Variants in RAD51B observed in about 807,000 individuals in gnomAD.
The protein encoded by RAD51B is DNA repair protein RAD51 homolog 2.
A neutral mutation model predicts 42.2 loss-of-function variants in RAD51B; 38 were observed. The observed-to-expected ratio is 0.90, with a 90% CI of 0.70 to 1.18. The LOEUF (loss-of-function observed/expected upper bound fraction) is 1.18, where lower values mean the gene tolerates loss of function less well. Among genes scored for constraint, RAD51B ranks in the 50% most tolerant of loss-of-function variants. The pLI is 0.00. For missense variants in RAD51B, 373 were observed against 400.7 expected (o/e 0.93, Z 0.59); for synonymous variants, 154 against 145.2 (o/e 1.06, Z -0.43).
At chr14:67,952,602 G>GA (rs201785676) in intron 7 of RAD51B, among the ~76,000 whole-genome samples, 35 of 142,604 alleles carry the variant, frequency 2.5e-4, no homozygotes, top group Admixed American at 3.5e-4. Flanking sequence ...TTTCTTCAAG[G>GA]AAAAAAAAAA....
At chr14:68,007,692 T>C (rs927382452) in intron 7 of RAD51B, among the ~76,000 whole-genome samples, 1 of 152,084 alleles carries the variant, frequency 6.6e-6, no homozygotes, top group Non-Finnish European at 1.5e-5. Context: ...CTTTGCCTCT[T>C]GTTTAATTGG....
intron 9 of RAD51B, among the ~76,000 whole-genome samples, chr14:68,434,954 A>G (rs750143156): frequency 4.6e-5 from 7 of 152,168 alleles, no homozygotes; most frequent in Non-Finnish European, 1.0e-4. Context: ...TACCTTGGCT[A>G]TTGTAAATAA....
intron 8 of RAD51B, among the ~76,000 whole-genome samples, chr14:68,380,947 A>T (rs2083466458): frequency 6.6e-6 from 1 of 152,260 alleles, no homozygotes; most frequent in Non-Finnish European, 1.5e-5. Flanking sequence ...ATCAATCAGT[A>T]GGGTGAGCAC....
At chr14:67,951,877 T>C (rs759620277) in intron 7 of RAD51B, among the ~76,000 whole-genome samples, 4 of 152,182 alleles carry the variant, frequency 2.6e-5, no homozygotes, top group Non-Finnish European at 5.9e-5. Flanking sequence ...AATCATTTTC[T>C]AGCATATGGA....
chr14:67,898,099 G>A (rs896691739), intron 7 of RAD51B, among the ~76,000 whole-genome samples: 7 of 152,128 alleles, frequency 4.6e-5, no homozygotes, highest in Non-Finnish European at 2.9e-5. Context: ...TTAAAATCAG[G>A]ATCTCAAGTA....
chr14:67,891,422 A>G (rs763772491), intron 7 of RAD51B, among the ~76,000 whole-genome samples: 2 of 152,152 alleles, frequency 1.3e-5, no homozygotes, highest in African/African-American at 4.8e-5. Context: ...TTTTTGGAAT[A>G]TTAGTGATTA....
chr14:68,142,017 C>T (rs1007945586), intron 7 of RAD51B, among the ~76,000 whole-genome samples: 45 of 152,218 alleles, frequency 3.0e-4, no homozygotes, highest in Admixed American at 2.7e-3. Context: ...CAGAAGCATC[C>T]TTTAATTTCC....
chr14:68,091,791 G>T (rs1289327738), intron 7 of RAD51B, among the ~76,000 whole-genome samples: 2 of 152,114 alleles, frequency 1.3e-5, no homozygotes, highest in Non-Finnish European at 2.9e-5. Flanking sequence ...TGTCCTGAAT[G>T]GTATTGCCTA....
At chr14:67,850,522 C>T (rs146064362) in intron 4 of RAD51B, among the ~76,000 whole-genome samples, 114 of 152,138 alleles carry the variant, frequency 7.5e-4, no homozygotes, top group Non-Finnish European at 1.2e-3. Flanking sequence ...ATGATGCTTA[C>T]GGGTGAGAGT....
At chr14:68,037,790 T>G (rs899009850) in intron 7 of RAD51B, among the ~76,000 whole-genome samples, 3 of 152,244 alleles carry the variant, frequency 2.0e-5, no homozygotes, top group African/African-American at 7.2e-5. Flanking sequence ...ACTTGACAGT[T>G]GTAAATTTTT....
intron 7 of RAD51B, among the ~76,000 whole-genome samples, chr14:68,161,565 G>A (rs963353389): frequency 2.2e-4 from 34 of 152,306 alleles, no homozygotes; most frequent in African/African-American, 7.7e-4. Flanking sequence ...TTCCTCTAAA[G>A]GAAGAGACGA....
At chr14:68,095,546 T>C (rs1191150161) in intron 7 of RAD51B, among the ~76,000 whole-genome samples, 1 of 152,222 alleles carries the variant, frequency 6.6e-6, no homozygotes, top group African/African-American at 2.4e-5. Context: ...TTTTTGTTTT[T>C]ATTTTTCTGA....
chr14:68,608,929 C>T (rs1484397708), intron 10 of RAD51B, among the ~76,000 whole-genome samples: 1 of 152,158 alleles, frequency 6.6e-6, no homozygotes, highest in African/African-American at 2.4e-5. Flanking sequence ...TCCTCCGGGG[C>T]CCCCACTTCT....
chr14:68,421,305 C>T (rs60443209), intron 9 of RAD51B, among the ~76,000 whole-genome samples: 2,326 of 152,086 alleles, frequency 0.015, 57 homozygotes, highest in African/African-American at 0.053. Flanking sequence ...GGGAGTATCC[C>T]TGCTGTGAGA....
At chr14:68,142,727 T>C (rs1483896909) in intron 7 of RAD51B, among the ~76,000 whole-genome samples, 1 of 152,154 alleles carries the variant, frequency 6.6e-6, no homozygotes, top group East Asian at 1.9e-4. Flanking sequence ...TGAAGATGGT[T>C]TTTAATGCCA....
At chr14:68,067,563 A>C (rs1264069558) in intron 7 of RAD51B, among the ~76,000 whole-genome samples, 1 of 152,104 alleles carries the variant, frequency 6.6e-6, no homozygotes, top group African/African-American at 2.4e-5. Context: ...ATACTAGAGA[A>C]TTTTGAAGTC....
At chr14:68,662,081 C>A (rs1164607901) in intron 11 of RAD51B, among the ~76,000 whole-genome samples, 2 of 152,208 alleles carry the variant, frequency 1.3e-5, no homozygotes, top group African/African-American at 4.8e-5. Flanking sequence ...CCTTTAAAAG[C>A]AGTGCAGTGG....
chr14:68,350,220 G>C (rs995825950), intron 8 of RAD51B, among the ~76,000 whole-genome samples: 2 of 152,192 alleles, frequency 1.3e-5, no homozygotes, highest in African/African-American at 2.4e-5. Context: ...TGTTAACGCT[G>C]GATAAACTTG....
intron 10 of RAD51B, among the ~76,000 whole-genome samples, chr14:68,496,444 C>T (rs1236262263): frequency 6.6e-6 from 1 of 152,244 alleles, no homozygotes; most frequent in African/African-American, 2.4e-5. Flanking sequence ...ATGCTGGTCT[C>T]CTGTCACCAT....
Sources: gnomAD v4.1 joint callset for allele counts (sites outside exome capture counted in the v4.1 genomes callset) on GRCh38, gnomAD v4.1.1 for gene constraint, MANE v1.5 for transcripts, NCBI Gene and HGNC (gene_info 2026-07-23, HGNC 2026-07-21) for gene names.